The following RECK variants were observed in gnomAD, a reference collection of about 807,000 sequenced individuals.
The protein encoded by RECK is reversion-inducing cysteine-rich protein with Kazal motifs.
RECK carries 69 observed loss-of-function variants against 115.1 expected under a neutral mutation model. The observed-to-expected ratio is 0.60, with a 90% CI of 0.49 to 0.73. RECK has a LOEUF of 0.73. Among genes scored for constraint, RECK ranks in the 30% least tolerant of loss-of-function variants. The pLI is 0.00. For synonymous variants in RECK, 414 were observed against 419.7 expected, an observed-to-expected ratio of 0.99 and a Z score of 0.17; for missense variants, 1,047 against 1,203.7, an observed-to-expected ratio of 0.87 and a Z score of 1.93.
intron 8 of RECK, 142 bp from the exon 9 acceptor site, chr9:36,087,552 G>A: frequency 1.3e-6 from 1 of 746,874 alleles, no homozygotes; most frequent in East Asian, 2.9e-5. Flanking sequence ...ATGACAGGTT[G>A]ATGGGTTCAG....
chr9:36,121,789 G>A, intron 20 of RECK, 101 bp downstream of exon 20: 2 of 1,208,320 alleles, frequency 1.7e-6, no homozygotes, highest in Non-Finnish European at 2.4e-6. Flanking sequence ...ATCCGTGGGT[G>A]AGGGAGTGGA....
At chr9:36,078,896 A>T (rs183421136) in intron 6 of RECK, among the ~76,000 whole-genome samples, 1 of 151,784 alleles carries the variant, frequency 6.6e-6, no homozygotes, top group Non-Finnish European at 1.5e-5. Context: ...TTATTTGTTT[A>T]TTTATTTATT....
intron 4 of RECK, among the ~76,000 whole-genome samples, chr9:36,060,898 A>G (rs1299144098): frequency 6.6e-6 from 1 of 152,086 alleles, no homozygotes; most frequent in African/African-American, 2.4e-5. Context: ...TCAAACTCAT[A>G]ACTGCACCTC....
At chr9:36,088,880 G>T (rs1823058177) in intron 9 of RECK, among the ~76,000 whole-genome samples, 1 of 152,162 alleles carries the variant, frequency 6.6e-6, no homozygotes, top group African/African-American at 2.4e-5. Flanking sequence ...ATTTAGCGGG[G>T]CGTGGTGGCA....
intron 10 of RECK, among the ~76,000 whole-genome samples, chr9:36,096,060 C>G (rs1823325837): frequency 7.2e-6 from 1 of 139,610 alleles, no homozygotes; most frequent in Admixed American, 7.3e-5. Flanking sequence ...AAGAATGAAA[C>G]TCCATCTCAA....
At chr9:36,091,689 T>C (rs1823159463) in intron 10 of RECK, among the ~76,000 whole-genome samples, 1 of 152,260 alleles carries the variant, frequency 6.6e-6, no homozygotes, top group South Asian at 2.1e-4. Flanking sequence ...AACAGTTTAC[T>C]TTAAAGGACC....
chr9:36,093,076 G>T (rs1275869235), intron 10 of RECK, among the ~76,000 whole-genome samples: 1 of 152,124 alleles, frequency 6.6e-6, no homozygotes, highest in Non-Finnish European at 1.5e-5. Context: ...AGTTAGAAGG[G>T]CCTAGTAAAC....
chr9:36,051,692 CT>C (rs1013097712), intron 1 of RECK, among the ~76,000 whole-genome samples: 1 of 152,242 alleles, frequency 6.6e-6, no homozygotes, highest in Admixed American at 6.5e-5. Context: ...GCTATGTTCT[CT>C]TCTCACTAGA....
chr9:36,040,740 G>A (rs1395776211), intron 1 of RECK, among the ~76,000 whole-genome samples: 1 of 151,868 alleles, frequency 6.6e-6, no homozygotes. Flanking sequence ...TAGGAGAGGG[G>A]ATATTTAAAA....
intron 10 of RECK, among the ~76,000 whole-genome samples, chr9:36,098,905 G>A (rs1346048795): frequency 2.0e-5 from 3 of 152,024 alleles, no homozygotes; most frequent in Non-Finnish European, 4.4e-5. Context: ...TGACTAGAGG[G>A]GGCACAAGGG....
intron 1 of RECK, among the ~76,000 whole-genome samples, chr9:36,050,648 G>A (rs1333233044): frequency 6.6e-6 from 1 of 152,120 alleles, no homozygotes; most frequent in Non-Finnish European, 1.5e-5. Flanking sequence ...CCTTCTCAGA[G>A]TAAAAGCCAA....
chr9:36,098,127 G>T (rs1823427368), intron 10 of RECK, among the ~76,000 whole-genome samples: 1 of 152,160 alleles, frequency 6.6e-6, no homozygotes, highest in African/African-American at 2.4e-5. Flanking sequence ...GACAAAAGGA[G>T]TAAGTTCAAG....
rs1824565334 is a variant in RECK at position 36,124,361 on chromosome 9, T to C, written c.*1316T>C. 1.3e-5 allele frequency: 2 copies of C among 152,664 alleles called. No individual in the cohort carries two copies. The highest frequency in any genetic ancestry group is 4.1e-4 in the South Asian group (2 of 4,834). 9.5% of individuals were successfully genotyped at this position (152,664 alleles called of 1,614,324 possible). On this transcript the variant is annotated 3_prime_UTR_variant, in exon 21 of 21. Transcript: ENST00000377966. ...AGAATATGTCAGTGCTGATGTAGCATGCTTGTTGCAATTGCCTTTTTTCTG... is the reference window on the plus strand; with the variant it reads ...AGAATATGTCAGTGCTGATGTAGCACGCTTGTTGCAATTGCCTTTTTTCTG...
rs1587082626 is a variant in RECK at position 36,108,155 on chromosome 9, A to G, written c.1756A>G (p.Lys586Glu). 1 of 1,581,774 alleles carries G rather than the reference A, an allele frequency of 6.3e-7. No individual in the cohort carries two copies. The highest frequency in any genetic ancestry group is 1.2e-5 in the South Asian group (1 of 85,278). The change falls in exon 14 of 21, where the codon AAA (lysine) becomes GAA (glutamate). Residue 586 changes from lysine to glutamate, a missense_variant. Physicochemically the swap from Lys to Glu is moderately conservative, Grantham distance 56. Coordinates refer to ENST00000377966, the MANE Select transcript of RECK (RefSeq NM_021111.3). The stretch of plus-strand genomic sequence containing the variant: ...CCAGAAGTCTTGTATTGTTGGAGGA[A>G]AAAGAAAAAGTGAGTCTTAAGCTCT... ...DLQKSCIVGGKRKSHGTSFSI... is the reference protein window; with the variant it reads ...DLQKSCIVGGERKSHGTSFSI...
At chr9:36,101,967 G>A (rs1823580419) in intron 11 of RECK, 127 bp from the exon 12 acceptor site, 1 of 889,724 alleles carries the variant, frequency 1.1e-6, no homozygotes, top group African/African-American at 1.7e-5. Context: ...TGTGACTCTT[G>A]TTCTCTTTTG....
In RECK at chr9:36,061,393, TACACACAC is replaced by T. The variant is rs58265948; in HGVS notation, c.271+1276_271+1283del. ...GCATCCTTAGTATCCTGTAATTTTC[TACACACAC>T]ACACACACACACACACACACACACA... is the stretch of plus-strand genomic sequence containing the variant. On this transcript the variant is annotated intron_variant, in intron 4 of 20. Coordinates refer to ENST00000377966, the MANE Select transcript of RECK (RefSeq NM_021111.3). Among the ~76,000 whole-genome samples, 362 of 129,120 alleles carry T rather than the reference TACACACAC, an allele frequency of 2.8e-3. 7 individuals carry two copies. The highest frequency in any genetic ancestry group is 0.016 in the Admixed American group (197 of 12,558). 84.7% of individuals were successfully genotyped at this position (129,120 alleles called of 152,430 possible).
intron 5 of RECK, among the ~76,000 whole-genome samples, chr9:36,065,201 A>G (rs532289500): frequency 1.5e-4 from 21 of 143,198 alleles, no homozygotes; most frequent in African/African-American, 3.7e-4. Context: ...GCTTCACAAG[A>G]AAATTTGCTA....
At chr9:36,087,670 G>A in intron 8 of RECK, 24 bp from the exon 9 acceptor site, 3 of 1,597,314 alleles carry the variant, frequency 1.9e-6, no homozygotes, top group Non-Finnish European at 1.7e-6. Flanking sequence ...AGCTAATTAA[G>A]CCACTTATAT....
Position 36,094,044 on chromosome 9 carries a change from C to CAA in RECK, c.1085+2709_1085+2710dup, listed in dbSNP as rs200250238. On this transcript the variant is annotated intron_variant, in intron 10 of 20. Coordinates refer to ENST00000377966, the MANE Select transcript of RECK (RefSeq NM_021111.3). The surrounding 1 kb of genome is among the most constrained non-coding windows in gnomAD (Gnocchi z 4.1). ...AAAATAAAGGTATTTCTAGATATTA[C>CAA]AAAAAAAAACAACCTCAGAATTTTC... is the stretch of plus-strand genomic sequence containing the variant. Among the ~76,000 whole-genome samples the CAA allele has an allele frequency of 6.7e-6, 1 of 149,998 alleles. No homozygotes were observed. The highest frequency in any genetic ancestry group is 6.6e-5 in the Admixed American group (1 of 15,050).
Sources: gnomAD v4.1 joint callset for allele counts (sites outside exome capture counted in the v4.1 genomes callset) on GRCh38, gnomAD v4.1.1 for gene constraint, Gnocchi (gnomAD v3.1) non-coding constraint, MANE v1.5 for transcripts, NCBI Gene and HGNC (gene_info 2026-07-23, HGNC 2026-07-21) for gene names.